ZC4H2: variants seen among roughly 807,000 people sequenced by gnomAD.
ZC4H2 encodes the protein zinc finger C4H2-type containing, also known as zinc finger C4H2 domain-containing protein.
For synonymous variants in ZC4H2, 84 were observed against 66.3 expected (o/e 1.27, Z -1.30); for missense variants, 137 against 173.9 (o/e 0.79, Z 1.19).
chrX:65,002,445 G>A (rs1319578656), intron 1 of ZC4H2, among the ~76,000 whole-genome samples: 1 of 107,088 alleles, frequency 9.3e-6, no homozygotes, highest in African/African-American at 3.4e-5. Context: ...GGAGGTGGGG[G>A]GCGCCTCCGC....
chrX:65,026,339 G>A (rs1932878224), intron 1 of ZC4H2, among the ~76,000 whole-genome samples: 1 of 111,999 alleles, frequency 8.9e-6, no homozygotes, highest in Non-Finnish European at 1.9e-5. Flanking sequence ...AAGCAAAGAT[G>A]CAGAAGAGCT....
At chrX:65,007,925 C>T (rs1192595226) in intron 1 of ZC4H2, among the ~76,000 whole-genome samples, 2 of 111,470 alleles carry the variant, frequency 1.8e-5, no homozygotes, top group Non-Finnish European at 3.8e-5. Flanking sequence ...AGTAAGGCCC[C>T]AAAAGCTCAG....
At chrX:64,964,716 A>T (rs777841926) in intron 1 of ZC4H2, among the ~76,000 whole-genome samples, 28 of 111,898 alleles carry the variant, frequency 2.5e-4, no homozygotes, top group Non-Finnish European at 4.1e-4. Context: ...ATGTATCAAA[A>T]CAAAGGAATA....
intron 1 of ZC4H2, among the ~76,000 whole-genome samples, chrX:64,925,404 G>C (rs1443061607): frequency 8.9e-6 from 1 of 112,036 alleles, no homozygotes; most frequent in African/African-American, 3.2e-5. Context: ...TGTAGTCCCT[G>C]AATCTAAAAT....
chrX:64,958,283 T>A lies in ZC4H2; in HGVS notation c.53+18042A>T, dbSNP rs192468280. On this transcript the variant is annotated intron_variant, in intron 1 of 4. Coordinates refer to ENST00000374839, the MANE Select transcript of ZC4H2 (RefSeq NM_018684.4). ...TTACAGTGGGTACGTCACTAGGTGA[T>A]AGGAGTTTTTCAGCTCCATTGTAAT... 1.4e-3 allele frequency among the ~76,000 whole-genome samples: 152 copies of A among 111,953 alleles called. 2 individuals are homozygous for A. Among genetic ancestry groups the A allele is most frequent in the Middle Eastern group, 4.6e-3 (1 of 217 alleles).
chrX:65,031,679 C>T (rs1932935373), intron 1 of ZC4H2, among the ~76,000 whole-genome samples: 2 of 112,023 alleles, frequency 1.8e-5, no homozygotes, highest in African/African-American at 6.5e-5. Flanking sequence ...CCAGAGACTA[C>T]AGAGTCTCAG....
intron 1 of ZC4H2, among the ~76,000 whole-genome samples, chrX:64,928,718 T>C (rs865921094): frequency 2.1e-5 from 2 of 96,102 alleles, no homozygotes; most frequent in South Asian, 6.0e-4. Flanking sequence ...CTCCTCCCCC[T>C]CCTCCTCCTC....
chrX:64,980,751 G>A, upstream of ZC4H2, among the ~76,000 whole-genome samples: 1 of 111,186 alleles, frequency 9.0e-6, no homozygotes, highest in Non-Finnish European at 1.9e-5. Context: ...CAAATTTAGA[G>A]AGTCTGCCTC....
intron 1 of ZC4H2, among the ~76,000 whole-genome samples, chrX:64,957,970 G>A (rs951973344): frequency 8.9e-6 from 1 of 112,015 alleles, no homozygotes; most frequent in South Asian, 3.7e-4. Context: ...TCTACATCTT[G>A]TCCCACTGGA....
At chrX:65,006,152 G>A (rs766168349) in intron 1 of ZC4H2, among the ~76,000 whole-genome samples, 95 of 111,687 alleles carry the variant, frequency 8.5e-4, no homozygotes, top group African/African-American at 2.8e-3. Flanking sequence ...ACAGTGTGGC[G>A]ATTCCTCAAG....
intron 1 of ZC4H2, among the ~76,000 whole-genome samples, chrX:64,936,680 A>G (rs1379422859): frequency 9.0e-6 from 1 of 111,602 alleles, no homozygotes; most frequent in Non-Finnish European, 1.9e-5. Context: ...ACTAAGCTTC[A>G]TAAGTGAAGG....
intron 1 of ZC4H2, among the ~76,000 whole-genome samples, chrX:64,945,770 G>A (rs1930500073): frequency 1.8e-5 from 2 of 111,213 alleles, no homozygotes; most frequent in Non-Finnish European, 1.9e-5. Context: ...TTCCCGAGAC[G>A]CCCTGCCCAG....
chrX:64,987,523 G>T (rs1463826014), intron 1 of ZC4H2, among the ~76,000 whole-genome samples: 2 of 106,205 alleles, frequency 1.9e-5, no homozygotes, highest in Non-Finnish European at 3.9e-5. Flanking sequence ...AATGATGGTG[G>T]AGAAAGTGAG....
At chrX:64,922,144 C>T in intron 1 of ZC4H2, 156 bp from the exon 2 acceptor site, 3 of 1,078,856 alleles carry the variant, frequency 2.8e-6, no homozygotes, top group Non-Finnish European at 3.6e-6. Flanking sequence ...GGTGCAATGG[C>T]TCATGCCAGT....
intron 1 of ZC4H2, among the ~76,000 whole-genome samples, chrX:65,020,134 C>T (rs948089075): frequency 2.7e-5 from 3 of 112,050 alleles, no homozygotes; most frequent in Non-Finnish European, 5.6e-5. Flanking sequence ...TCCAGGAGAA[C>T]TTCCCCAACC....
chrX:64,925,065 A>G (rs747264364), intron 1 of ZC4H2, among the ~76,000 whole-genome samples: 3 of 111,396 alleles, frequency 2.7e-5, no homozygotes, highest in East Asian at 5.7e-4. Context: ...ATGTAAAGTC[A>G]CCAAGCAGAG....
intron 1 of ZC4H2, among the ~76,000 whole-genome samples, chrX:64,939,575 C>T (rs748038798): frequency 1.8e-5 from 2 of 112,127 alleles, no homozygotes; most frequent in East Asian, 5.6e-4. Context: ...CTGCATGCTA[C>T]TGGTACCAAA....
At chrX:65,034,310 T>C (rs1266553577) in intron 1 of ZC4H2, among the ~76,000 whole-genome samples, 5 of 111,322 alleles carry the variant, frequency 4.5e-5, no homozygotes, top group Non-Finnish European at 9.4e-5. Flanking sequence ...AGTCAAGAAT[T>C]GTTAGGCCCT....
Position 64,917,663 on chromosome X carries a change from C to T in ZC4H2, c.*120G>A, listed in dbSNP as rs2147345431. On this transcript the variant is annotated 3_prime_UTR_variant, in exon 5 of 5. Transcript: ENST00000374839. ...CAAAGTGAGAGAGGGGTTGTGCTTC[C>T]ATCACATTAAATAGGAGACTTCGTG... 2 of 1,007,243 alleles carry T rather than the reference C, an allele frequency of 2.0e-6. No individual in the cohort carries two copies. The highest frequency in any genetic ancestry group is 2.7e-6 in the Non-Finnish European group (2 of 749,448). 83.0% of individuals were successfully genotyped at this position (1,007,243 alleles called of 1,213,427 possible).
Sources: allele counts gnomAD v4.1 joint callset (sites outside exome capture counted in the v4.1 genomes callset), GRCh38; gene constraint gnomAD v4.1.1; transcripts MANE v1.5; gene names NCBI Gene and HGNC (gene_info 2026-07-23, HGNC 2026-07-21).